Variants in RALYL observed in about 807,000 individuals in gnomAD.
The protein encoded by RALYL is RALY RNA binding protein like.
A neutral mutation model predicts 35.1 loss-of-function variants in RALYL; 29 were observed. That is an observed-to-expected ratio of 0.83 (90% CI 0.61 to 1.13). The LOEUF (loss-of-function observed/expected upper bound fraction) is 1.13. RALYL is among the 50% of genes most tolerant of loss of function. The pLI is 0.00. For synonymous variants in RALYL, 120 were observed against 127.6 expected (o/e 0.94, Z 0.40); for missense variants, 359 against 360.4 (o/e 1.00, Z 0.03).
intron 1 of RALYL, among the ~76,000 whole-genome samples, chr8:84,495,322 A>G (rs2055879152): frequency 6.6e-6 from 1 of 152,094 alleles, no homozygotes; most frequent in African/African-American, 2.4e-5. Context: ...CACAGGTTCT[A>G]CCTCTTTTCG....
chr8:84,619,037 G>A (rs1820580399), intron 2 of RALYL, among the ~76,000 whole-genome samples: 1 of 149,406 alleles, frequency 6.7e-6, no homozygotes, highest in African/African-American at 2.5e-5. Context: ...TTTGGAATAG[G>A]TGTGGTGTGG....
chr8:84,576,551 C>T (rs1298342223), intron 2 of RALYL, among the ~76,000 whole-genome samples: 2 of 152,188 alleles, frequency 1.3e-5, no homozygotes, highest in African/African-American at 4.8e-5. Context: ...CCACCACTCC[C>T]TCTAGCACAC....
intron 8 of RALYL, among the ~76,000 whole-genome samples, chr8:84,911,733 A>T (rs1587175685): frequency 6.6e-6 from 1 of 152,084 alleles, no homozygotes; most frequent in Admixed American, 6.6e-5. Context: ...GCTCTGCCCT[A>T]CTGGCTATAA....
intron 2 of RALYL, among the ~76,000 whole-genome samples, chr8:84,736,856 C>T (rs2132974990): frequency 6.6e-6 from 1 of 152,134 alleles, no homozygotes; most frequent in Non-Finnish European, 1.5e-5. Context: ...TATGTTACCC[C>T]TTCACCTATT....
intron 1 of RALYL, among the ~76,000 whole-genome samples, chr8:84,371,367 C>T (rs1338299803): frequency 2.0e-5 from 3 of 151,966 alleles, no homozygotes. Flanking sequence ...GTCTCTCACT[C>T]TTTCTCCGTC....
chr8:84,815,738 T>A (rs1827089030), intron 4 of RALYL, among the ~76,000 whole-genome samples: 1 of 151,908 alleles, frequency 6.6e-6, no homozygotes, highest in Non-Finnish European at 1.5e-5. Flanking sequence ...CAAGTTTGCA[T>A]TTAGAAAGGT....
At chr8:84,844,700 CAA>C (rs566724815) in intron 4 of RALYL, among the ~76,000 whole-genome samples, 2,028 of 152,260 alleles carry the variant, frequency 0.013, 48 homozygotes, top group African/African-American at 0.046. Context: ...TTCACAATGG[CAA>C]AGACTTGGAA....
intron 1 of RALYL, among the ~76,000 whole-genome samples, chr8:84,433,006 A>C (rs2047307121): frequency 6.6e-6 from 1 of 152,138 alleles, no homozygotes; most frequent in Non-Finnish European, 1.5e-5. Flanking sequence ...TATTTAATAG[A>C]TATTTTAAGA....
At chr8:84,430,153 A>G (rs1413860734) in intron 1 of RALYL, among the ~76,000 whole-genome samples, 1 of 152,100 alleles carries the variant, frequency 6.6e-6, no homozygotes, top group Non-Finnish European at 1.5e-5. Flanking sequence ...TATATTAATC[A>G]TATATTAAAT....
At chr8:84,710,946 TAAAG>T (rs1405731951) in intron 2 of RALYL, among the ~76,000 whole-genome samples, 4 of 151,894 alleles carry the variant, frequency 2.6e-5, no homozygotes, top group Admixed American at 2.6e-4. Flanking sequence ...TGGAGAAAAA[TAAAG>T]CAAGTAAGGG....
intron 1 of RALYL, among the ~76,000 whole-genome samples, chr8:84,381,009 A>C (rs1031849616): frequency 6.6e-6 from 1 of 151,840 alleles, no homozygotes; most frequent in African/African-American, 2.4e-5. Context: ...TCAAGATGAG[A>C]CCAAGTCAGC....
intron 1 of RALYL, among the ~76,000 whole-genome samples, chr8:84,516,953 G>A (rs1218085800): frequency 1.3e-5 from 2 of 152,096 alleles, no homozygotes; most frequent in African/African-American, 4.8e-5. Context: ...GAATATTTCT[G>A]CAAAAATAAA....
intron 2 of RALYL, among the ~76,000 whole-genome samples, chr8:84,574,159 A>C (rs2135843279): frequency 6.6e-6 from 1 of 152,156 alleles, no homozygotes; most frequent in East Asian, 1.9e-4. Flanking sequence ...TTTTTGAGGC[A>C]TATTTTAAAA....
intron 1 of RALYL, among the ~76,000 whole-genome samples, chr8:84,238,194 T>C (rs1398981166): frequency 6.6e-6 from 1 of 152,130 alleles, no homozygotes; most frequent in African/African-American, 2.4e-5. Context: ...GAGGTACACA[T>C]TTGTTTTCAG....
chr8:84,567,225 G>A (rs1268530898), intron 2 of RALYL, among the ~76,000 whole-genome samples: 1 of 151,584 alleles, frequency 6.6e-6, no homozygotes. Flanking sequence ...TTAAAATTTT[G>A]TTTTAATTTT....
chr8:84,525,953 C>CTTTTTTT (rs35794329), intron 1 of RALYL, among the ~76,000 whole-genome samples: 2,269 of 104,470 alleles, frequency 0.022, 26 homozygotes, highest in African/African-American at 0.036. Flanking sequence ...TTTCTTTTTT[C>CTTTTTTT]TTTTTTTTTT....
At chr8:84,398,832 G>T (rs2042596934) in intron 1 of RALYL, among the ~76,000 whole-genome samples, 1 of 152,060 alleles carries the variant, frequency 6.6e-6, no homozygotes, top group African/African-American at 2.4e-5. Context: ...AAATTAGCCA[G>T]GTGTGTTGGC....
chr8:84,399,140 C>T (rs186753578), intron 1 of RALYL, among the ~76,000 whole-genome samples: 7 of 152,090 alleles, frequency 4.6e-5, no homozygotes, highest in African/African-American at 7.2e-5. Flanking sequence ...ATTTCATTCC[C>T]GTTTCCTGCT....
At position 84,317,413 on chromosome 8, in the gene RALYL, C is replaced by T. The variant is rs188308053; in HGVS notation, c.-24+132989C>T. 3.0e-3 allele frequency among the ~76,000 whole-genome samples: 462 copies of T among 152,262 alleles called. 2 individuals carry two copies. The highest frequency in any genetic ancestry group is 6.8e-3 in the Middle Eastern group (2 of 294). The stretch of plus-strand genomic sequence containing the variant: ...GTTATCCTGAGCTTGTTTCCTTCTG[C>T]ATGATGTCAAGATAGCTGCCTCAAT... On this transcript the variant is annotated intron_variant, in intron 1 of 8. Transcript: ENST00000521268.
Sources: gnomAD v4.1 joint callset for allele counts (sites outside exome capture counted in the v4.1 genomes callset) on GRCh38, gnomAD v4.1.1 for gene constraint, MANE v1.5 for transcripts, NCBI Gene and HGNC (gene_info 2026-07-23, HGNC 2026-07-21) for gene names.